The following FOXP1 variants were observed in gnomAD, a reference collection of about 807,000 sequenced individuals.
FOXP1 encodes forkhead box protein P1.
In FOXP1, 15 loss-of-function variants were observed where a neutral mutation model predicts 98.2. The observed-to-expected ratio is 0.15, with a 90% CI of 0.10 to 0.24. The LOEUF (loss-of-function observed/expected upper bound fraction) is 0.24, where lower values mean the gene tolerates loss of function less well. FOXP1 is among the 10% of genes least tolerant of loss of function. The pLI is 1.00. For missense variants in FOXP1, 633 were observed against 848.5 expected, an observed-to-expected ratio of 0.75 and a Z score of 3.15; for synonymous variants, 371 against 314.5, an observed-to-expected ratio of 1.18 and a Z score of -1.90.
intron 5 of FOXP1, among the ~76,000 whole-genome samples, chr3:71,268,535 T>A (rs766660274): frequency 1.3e-5 from 2 of 151,174 alleles, no homozygotes; most frequent in Non-Finnish European, 1.5e-5. Context: ...GGGGAAATAA[T>A]CTTTTTACCA....
At chr3:71,036,761 C>T (rs74544190) in intron 11 of FOXP1, among the ~76,000 whole-genome samples, 401 of 152,206 alleles carry the variant, frequency 2.6e-3, no homozygotes, top group African/African-American at 9.3e-3. Context: ...CCACCTATCC[C>T]GCTTCATGAA....
At chr3:71,520,011 G>T (rs1485855073) in intron 2 of FOXP1, among the ~76,000 whole-genome samples, 1 of 152,182 alleles carries the variant, frequency 6.6e-6, no homozygotes, top group East Asian at 1.9e-4. Context: ...ACAATCTTTG[G>T]ATTAAGAAAT....
intron 5 of FOXP1, among the ~76,000 whole-genome samples, chr3:71,282,880 G>A (rs2071713961): frequency 6.6e-6 from 1 of 152,180 alleles, no homozygotes; most frequent in Non-Finnish European, 1.5e-5. Flanking sequence ...TTCCCGCCTG[G>A]AGACATGCTA....
intron 13 of FOXP1, among the ~76,000 whole-genome samples, chr3:70,988,744 T>G (rs2040149927): frequency 2.6e-5 from 4 of 152,248 alleles, no homozygotes; most frequent in Admixed American, 2.0e-4. Flanking sequence ...ATATACATAG[T>G]AGGCACTCAA....
chr3:71,522,030 C>CAG (rs145435853), intron 2 of FOXP1, among the ~76,000 whole-genome samples: 49,509 of 152,030 alleles, frequency 0.33, 9,350 homozygotes, highest in Non-Finnish European at 0.43. Context: ...GAAATGGTGC[C>CAG]AGTTACTATT....
At chr3:71,396,801 G>A (rs1454061065) in intron 3 of FOXP1, among the ~76,000 whole-genome samples, 2 of 148,818 alleles carry the variant, frequency 1.3e-5, no homozygotes, top group African/African-American at 2.5e-5. Context: ...TCACACCCAC[G>A]AATACAGCCC....
intron 2 of FOXP1, among the ~76,000 whole-genome samples, chr3:71,577,490 C>T (rs941418525): frequency 3.3e-5 from 5 of 151,900 alleles, no homozygotes; most frequent in Admixed American, 6.6e-5. Context: ...CCCCAAATTT[C>T]GCCAGGTTTG....
At chr3:71,570,185 G>A (rs2047226014) in intron 2 of FOXP1, 1 of 152,000 alleles carries the variant, frequency 6.6e-6, no homozygotes, top group Non-Finnish European at 1.5e-5. Flanking sequence ...AAGCAAAGTG[G>A]CCCCCACTGC....
chr3:70,991,069 T>TC (rs397706892), intron 13 of FOXP1, among the ~76,000 whole-genome samples: 3 of 149,176 alleles, frequency 2.0e-5, no homozygotes, highest in Non-Finnish European at 3.0e-5. Context: ...TTTTTTTTTT[T>TC]AAGAAAAGTG....
intron 7 of FOXP1, among the ~76,000 whole-genome samples, chr3:71,054,734 C>A (rs551975031): frequency 1.3e-5 from 2 of 152,010 alleles, no homozygotes; most frequent in East Asian, 3.9e-4. Context: ...CATGAAAAAT[C>A]ACCCCCCGCC....
At chr3:71,194,450 A>G (rs2063183019) in intron 6 of FOXP1, among the ~76,000 whole-genome samples, 1 of 152,170 alleles carries the variant, frequency 6.6e-6, no homozygotes, top group South Asian at 2.1e-4. Context: ...ATTATGCTCT[A>G]TGTAATATGC....
At position 71,397,025 on chromosome 3, in the gene FOXP1, C is replaced by CAT. The variant is rs1553871547; in HGVS notation, c.-167-37783_-167-37782dup. Reference sequence around the variant, plus strand: ...ATATATGTGTATATATATATATATACATATATATGTGTATATATATATACA... The same window carrying CAT: ...ATATATGTGTATATATATATATATACATATATATATGTGTATATATATATACA... On this transcript the variant is annotated intron_variant, in intron 3 of 20. Coordinates refer to ENST00000649528, the MANE Select transcript of FOXP1 (RefSeq NM_001349338.3). 8.8e-4 allele frequency among the ~76,000 whole-genome samples: 15 copies of CAT among 16,996 alleles called. 1 individual carries two copies. The highest frequency in any genetic ancestry group is 2.7e-3 in the African/African-American group (12 of 4,448). The allele number at this position is 16,996 out of a possible 152,430, so 11.2% of individuals were successfully genotyped here.
At chr3:71,137,096 G>C (rs772688054) in intron 6 of FOXP1, among the ~76,000 whole-genome samples, 1 of 152,204 alleles carries the variant, frequency 6.6e-6, no homozygotes, top group Non-Finnish European at 1.5e-5. Flanking sequence ...AAGATATGAG[G>C]AGGGGGTTAG....
chr3:71,529,604 G>T (rs2043669283), intron 2 of FOXP1, among the ~76,000 whole-genome samples: 8 of 152,126 alleles, frequency 5.3e-5, no homozygotes, highest in Admixed American at 5.2e-4. Context: ...AGGGGAGAGG[G>T]ACTGAAGGTT....
intron 3 of FOXP1, among the ~76,000 whole-genome samples, chr3:71,413,552 C>G (rs1387681586): frequency 6.6e-6 from 1 of 152,150 alleles, no homozygotes; most frequent in Non-Finnish European, 1.5e-5. Context: ...AACATCCAGA[C>G]AAGTTGAAAA....
intron 6 of FOXP1, among the ~76,000 whole-genome samples, chr3:71,163,241 A>G (rs919048675): frequency 6.6e-6 from 1 of 152,220 alleles, no homozygotes; most frequent in Non-Finnish European, 1.5e-5. Flanking sequence ...TGAGGTGCCA[A>G]TGATTTATAG....
At chr3:71,311,572 G>T (rs1231816342) in intron 4 of FOXP1, among the ~76,000 whole-genome samples, 1 of 152,224 alleles carries the variant, frequency 6.6e-6, no homozygotes, top group Admixed American at 6.5e-5. Context: ...ACACAGAGAA[G>T]TCCTTGAATG....
intron 4 of FOXP1, among the ~76,000 whole-genome samples, chr3:71,309,104 A>C (rs2074508351): frequency 6.6e-6 from 1 of 152,180 alleles, no homozygotes; most frequent in African/African-American, 2.4e-5. Flanking sequence ...GCTGTAAGTA[A>C]TGGAAAAAGT....
intron 13 of FOXP1, among the ~76,000 whole-genome samples, chr3:70,994,778 C>T (rs1041686344): frequency 4.6e-5 from 7 of 152,224 alleles, no homozygotes; most frequent in Non-Finnish European, 7.3e-5. Context: ...TCCTTTTTCC[C>T]TTGCCTGCTT....
Sources: gnomAD v4.1 joint callset for allele counts (sites outside exome capture counted in the v4.1 genomes callset) on GRCh38, gnomAD v4.1.1 for gene constraint, MANE v1.5 for transcripts, NCBI Gene and HGNC (gene_info 2026-07-23, HGNC 2026-07-21) for gene names.